The following SPINK6 variants were observed in gnomAD, a reference collection of about 807,000 sequenced individuals.
The protein encoded by SPINK6 is serine peptidase inhibitor Kazal type 6.
A neutral mutation model predicts 11.7 loss-of-function variants in SPINK6; 13 were observed. The observed-to-expected ratio is 1.11, with a 90% CI of 0.72 to 1.76. The LOEUF (loss-of-function observed/expected upper bound fraction) is 1.76. SPINK6 is among the 40% of genes most tolerant of loss of function. The pLI, the probability that SPINK6 is intolerant of heterozygous loss-of-function variation, is 0.00. For missense variants in SPINK6, 98 were observed against 93.7 expected, an observed-to-expected ratio of 1.05 and a Z score of -0.19; for synonymous variants, 21 against 31.9, an observed-to-expected ratio of 0.66 and a Z score of 1.15.
In SPINK6 at chr5:148,206,024, C is replaced by G; in HGVS notation, c.59-12C>G. On this transcript the variant is annotated splice_polypyrimidine_tract_variant and intron_variant, in intron 1 of 3. Transcript: ENST00000325630. ...TGAATTACAGTGTTTGAATGTTGTG[C>G]TTTTCTTTCAGGTGTCTTCAGTCAG... 1 of 1,613,796 alleles carries G rather than the reference C, an allele frequency of 6.2e-7. No homozygotes were observed.
intron 2 of SPINK6, among the ~76,000 whole-genome samples, chr5:148,207,453 T>C (rs1755514446): frequency 6.6e-6 from 1 of 152,114 alleles, no homozygotes; most frequent in Admixed American, 6.5e-5. Flanking sequence ...TGCGTAGTAC[T>C]TGGCGGGGTG....
Position 148,214,962 on chromosome 5 carries a change from T to A in SPINK6, c.*12T>A. On this transcript the variant is annotated 3_prime_UTR_variant, in exon 4 of 4. Coordinates refer to ENST00000325630, the MANE Select transcript of SPINK6 (RefSeq NM_205841.4). ...CTGGAAAATGCTGAGTTAAAGCCAA[T>A]GTTTCTTGGTGACTTGCCAGCTTTT... 1.2e-6 allele frequency: 2 copies of A among 1,613,548 alleles called. No individual in the cohort carries two copies. The highest frequency in any genetic ancestry group is 2.2e-5 in the South Asian group (2 of 91,004).
chr5:148,212,645 TA>T (rs1755623966), intron 2 of SPINK6, among the ~76,000 whole-genome samples: 1 of 108,650 alleles, frequency 9.2e-6, no homozygotes, highest in African/African-American at 3.8e-5. Flanking sequence ...ATATATAATA[TA>T]AATATATATA....
intron 1 of SPINK6, among the ~76,000 whole-genome samples, chr5:148,204,363 T>C (rs1007892441): frequency 8.6e-5 from 13 of 151,856 alleles, no homozygotes; most frequent in African/African-American, 3.1e-4. Flanking sequence ...AAAGTTTAGC[T>C]GCAAAGATAG....
chr5:148,204,686 T>C (rs1468567061), intron 1 of SPINK6, among the ~76,000 whole-genome samples: 1 of 152,020 alleles, frequency 6.6e-6, no homozygotes, highest in African/African-American at 2.4e-5. Context: ...ATGCTTAACA[T>C]AGTGGATGGG....
intron 2 of SPINK6, among the ~76,000 whole-genome samples, chr5:148,207,649 G>A (rs1581140817): frequency 3.9e-5 from 6 of 152,184 alleles, no homozygotes; most frequent in Admixed American, 3.9e-4. Flanking sequence ...TGGCTAACAT[G>A]GTGAAACCCC....
intron 1 of SPINK6, among the ~76,000 whole-genome samples, chr5:148,204,864 T>C (rs1755477760): frequency 6.6e-6 from 1 of 152,176 alleles, no homozygotes; most frequent in Non-Finnish European, 1.5e-5. Context: ...ATGACAGATT[T>C]GTACAGTGGA....
rs984127587 is a variant in SPINK6 at position 148,204,776 on chromosome 5, C to T, written c.59-1260C>T. Among the ~76,000 whole-genome samples the T allele has an allele frequency of 3.9e-5, 6 of 152,054 alleles. No homozygotes were observed. The East Asian group carries it at 7.7e-4, about 20-fold the overall frequency. ...ATAAAAAGAGTACTAAATTGGACTC[C>T]GTCATTGTGAATATTAATCCTGTTT... On this transcript the variant is annotated intron_variant, in intron 1 of 3. Coordinates refer to ENST00000325630, the MANE Select transcript of SPINK6 (RefSeq NM_205841.4).
At chr5:148,206,141 G>T in intron 2 of SPINK6, 83 bp downstream of exon 2, 2 of 1,470,520 alleles carry the variant, frequency 1.4e-6, no homozygotes, top group Non-Finnish European at 1.9e-6. Flanking sequence ...TTTGTCTATG[G>T]TTAACAGAGC....
intron 1 of SPINK6, 48 bp from the exon 2 acceptor site, chr5:148,205,988 T>C (rs963012548): frequency 6.2e-7 from 1 of 1,608,672 alleles, no homozygotes; most frequent in Non-Finnish European, 8.5e-7. Flanking sequence ...ATTTCACTTT[T>C]TGTACATCAA....
In SPINK6 at chr5:148,210,143, T is replaced by C. The variant is rs370237315; in HGVS notation, c.82-3767T>C. Among the ~76,000 whole-genome samples the C allele has an allele frequency of 4.8e-5, 7 of 146,512 alleles. No homozygotes were observed. The East Asian group carries it at 1.3e-3, about 28-fold the overall frequency. ...ATGTTTACATTTATTTCTGCATACA[T>C]ATGTATGTATTTCTGCATGCATATG... On this transcript the variant is annotated intron_variant, in intron 2 of 3. Coordinates refer to ENST00000325630, the MANE Select transcript of SPINK6 (RefSeq NM_205841.4).
rs576777982 is a variant in SPINK6 at position 148,213,968 on chromosome 5, A to C, written c.140A>C (p.His47Pro). The C allele has an allele frequency of 6.2e-7, 1 of 1,614,026 alleles. No individual in the cohort carries two copies. Among genetic ancestry groups the C allele is most frequent in the South Asian group, 1.1e-5 (1 of 91,086 alleles). ...TACTGCACTCGGGAATCTAACCCAC[A>C]CTGTGGCTCTGATGGCCAGACATAT... ...KVYCTRESNP[H>P]CGSDGQTYGN... Residue 47 changes from histidine (H) to proline (P), a missense_variant, in exon 3 of 4, where the codon CAC becomes CCC. Transcript: ENST00000325630.
At chr5:148,214,778 T>A in intron 3 of SPINK6, 127 bp from the exon 4 acceptor site, 1 of 717,138 alleles carries the variant, frequency 1.4e-6, no homozygotes, top group South Asian at 2.1e-5. Context: ...ATCTTCTGAA[T>A]CATATAAATG....
intron 2 of SPINK6, among the ~76,000 whole-genome samples, chr5:148,212,674 T>A (rs1755625948): frequency 8.9e-6 from 1 of 112,396 alleles, no homozygotes; most frequent in South Asian, 2.4e-4. Context: ...ATTTATATAA[T>A]ATATATTTTA....
chr5:148,202,893 G>A (rs1028940235), upstream of SPINK6: 2 of 441,952 alleles, frequency 4.5e-6, no homozygotes, highest in Non-Finnish European at 8.0e-6. Context: ...TAAGATCTGA[G>A]GTGCGACACA....
rs1554112271 is a variant in SPINK6 at position 148,210,007 on chromosome 5, C to CATACATACGTACGTATGT, written c.82-3901_82-3900insACATACGTACGTATGTAT. 3.8e-4 allele frequency among the ~76,000 whole-genome samples: 40 copies of CATACATACGTACGTATGT among 105,724 alleles called. 10 individuals are homozygous for CATACATACGTACGTATGT. The highest frequency in any genetic ancestry group is 6.4e-4 in the Non-Finnish European group (35 of 54,616). The allele number at this position is 105,724 out of a possible 152,430, so 69.4% of individuals were successfully genotyped here. On this transcript the variant is annotated intron_variant, in intron 2 of 3. Transcript: ENST00000325630. Reference sequence around the variant, plus strand: ...ATGTATACATATACACGTATGTATACATGTATGTACGCATGTACGCATGCA... The same window carrying CATACATACGTACGTATGT: ...ATGTATACATATACACGTATGTATACATACATACGTACGTATGTATGTATGTACGCATGTACGCATGCA...
intron 2 of SPINK6, among the ~76,000 whole-genome samples, chr5:148,212,178 C>G (rs1021314927): frequency 6.6e-6 from 1 of 151,996 alleles, no homozygotes; most frequent in African/African-American, 2.4e-5. Flanking sequence ...AAAGGTGCTA[C>G]CATTCCTACT....
intron 2 of SPINK6, among the ~76,000 whole-genome samples, 198 bp downstream of exon 2, chr5:148,206,256 T>A (rs1043389099): frequency 8.5e-5 from 13 of 152,074 alleles, no homozygotes; most frequent in South Asian, 2.1e-4. Context: ...TTCTCATAAT[T>A]TTTTAGGGAA....
chr5:148,213,877 C>A, intron 2 of SPINK6, 33 bp from the exon 3 acceptor site: 2 of 1,114,854 alleles, frequency 1.8e-6, no homozygotes, highest in Non-Finnish European at 2.8e-6. Flanking sequence ...TTAGAATGCA[C>A]TGATGTCAAT....
Sources: allele counts gnomAD v4.1 joint callset (sites outside exome capture counted in the v4.1 genomes callset), GRCh38; gene constraint gnomAD v4.1.1; transcripts MANE v1.5; gene names NCBI Gene and HGNC (gene_info 2026-07-23, HGNC 2026-07-21).